The following KDM4C variants were observed in gnomAD, a reference collection of about 807,000 sequenced individuals.
The protein encoded by KDM4C is lysine demethylase 4C.
In KDM4C, 81 loss-of-function variants were observed where a neutral mutation model predicts 129.3. The observed-to-expected ratio is 0.63, with a 90% CI of 0.52 to 0.75. The LOEUF is 0.75. Ranked by LOEUF, KDM4C falls within the 30% of genes least tolerant of loss-of-function variation. The pLI is 0.00. For missense variants in KDM4C, 1,457 were observed against 1,304.0 expected (o/e 1.12, Z -1.81); for synonymous variants, 573 against 456.1 (o/e 1.26, Z -3.26).
At chr9:7,156,415 T>C (rs1358291895) in intron 19 of KDM4C, among the ~76,000 whole-genome samples, 3 of 152,256 alleles carry the variant, frequency 2.0e-5, no homozygotes, top group African/African-American at 4.8e-5. Flanking sequence ...GCTTTAGTCA[T>C]GAAGTCCTTG....
intron 19 of KDM4C, among the ~76,000 whole-genome samples, chr9:7,161,418 C>T (rs150842971): frequency 1.2e-3 from 183 of 152,328 alleles, no homozygotes; most frequent in African/African-American, 4.2e-3. Flanking sequence ...GCATCAATCA[C>T]GCTGAGAGCT....
intron 19 of KDM4C, among the ~76,000 whole-genome samples, chr9:7,132,030 C>A (rs946852722): frequency 1.3e-5 from 2 of 152,174 alleles, no homozygotes; most frequent in African/African-American, 4.8e-5. Context: ...TGTAGTGTGA[C>A]CCCAATGTTA....
chr9:7,090,321 A>C (rs1468661471), intron 17 of KDM4C, among the ~76,000 whole-genome samples: 1 of 152,112 alleles, frequency 6.6e-6, no homozygotes, highest in Non-Finnish European at 1.5e-5. Context: ...TGAAAACATC[A>C]TTTGGGGTTT....
intron 20 of KDM4C, among the ~76,000 whole-genome samples, chr9:7,168,011 G>A (rs910541425): frequency 1.3e-5 from 2 of 151,504 alleles, no homozygotes; most frequent in African/African-American, 4.9e-5. Flanking sequence ...GTGCAACCCC[G>A]TCTCTACTAA....
intron 8 of KDM4C, among the ~76,000 whole-genome samples, chr9:6,979,232 A>G (rs749406676): frequency 6.6e-6 from 1 of 152,188 alleles, no homozygotes; most frequent in Non-Finnish European, 1.5e-5. Context: ...CTTTATTCCA[A>G]TGGCAAGATA....
intron 21 of KDM4C, among the ~76,000 whole-genome samples, chr9:7,172,779 G>A (rs545989640): frequency 3.3e-5 from 5 of 152,104 alleles, no homozygotes; most frequent in African/African-American, 7.2e-5. Flanking sequence ...ACTATGGACC[G>A]TGTGTTTTCA....
At chr9:6,805,416 A>G (rs143980548) in intron 2 of KDM4C, among the ~76,000 whole-genome samples, 183 bp from the exon 3 acceptor site, 3 of 152,102 alleles carry the variant, frequency 2.0e-5, no homozygotes, top group Non-Finnish European at 4.4e-5. Flanking sequence ...AGTACTCAAT[A>G]AATTTTGCTA....
chr9:6,963,354 T>G (rs1830338496), intron 8 of KDM4C, among the ~76,000 whole-genome samples: 1 of 152,244 alleles, frequency 6.6e-6, no homozygotes. Flanking sequence ...TTGACCACTC[T>G]GGTTGGGAGT....
At chr9:7,066,853 G>T (rs1194068370) in intron 17 of KDM4C, among the ~76,000 whole-genome samples, 1 of 152,180 alleles carries the variant, frequency 6.6e-6, no homozygotes, top group East Asian at 1.9e-4. Flanking sequence ...AAGCCATCCA[G>T]AGATAATTAT....
At chr9:6,752,744 T>C (rs1213031117), upstream of KDM4C, among the ~76,000 whole-genome samples, 1 of 152,134 alleles carries the variant, frequency 6.6e-6, no homozygotes, top group Non-Finnish European at 1.5e-5. Context: ...AAAGTTATAT[T>C]GTGGTCTCTT....
At chr9:6,914,261 G>C (rs1458578371) in intron 8 of KDM4C, among the ~76,000 whole-genome samples, 2 of 152,116 alleles carry the variant, frequency 1.3e-5, no homozygotes, top group African/African-American at 4.8e-5. Flanking sequence ...GTTTCTCCGT[G>C]TTGGTCAGGC....
chr9:7,008,840 G>C (rs966607494), intron 12 of KDM4C, among the ~76,000 whole-genome samples: 2 of 152,182 alleles, frequency 1.3e-5, no homozygotes, highest in Admixed American at 1.3e-4. Context: ...CCTACCCTTG[G>C]ACCATGCCAG....
chr9:7,072,190 A>T (rs1328395764), intron 17 of KDM4C, among the ~76,000 whole-genome samples: 2 of 152,220 alleles, frequency 1.3e-5, no homozygotes, highest in African/African-American at 2.4e-5. Context: ...TGGAATGCTT[A>T]TAAATTGCTT....
At chr9:6,921,501 G>T (rs1028082176) in intron 8 of KDM4C, among the ~76,000 whole-genome samples, 1 of 152,160 alleles carries the variant, frequency 6.6e-6, no homozygotes, top group African/African-American at 2.4e-5. Context: ...AATCAATTCT[G>T]TTGGCTCTAG....
intron 19 of KDM4C, among the ~76,000 whole-genome samples, chr9:7,129,546 A>G (rs1283251625): frequency 4.6e-5 from 7 of 152,060 alleles, no homozygotes; most frequent in Non-Finnish European, 4.4e-5. Flanking sequence ...CAAGCACTCA[A>G]TCTGCATTCA....
At chr9:7,173,329 T>C (rs919575936) in intron 21 of KDM4C, among the ~76,000 whole-genome samples, 14 of 152,194 alleles carry the variant, frequency 9.2e-5, no homozygotes, top group African/African-American at 3.1e-4. Flanking sequence ...CAGGCAAGTA[T>C]GACCAGGCCC....
intron 17 of KDM4C, among the ~76,000 whole-genome samples, chr9:7,069,933 T>A (rs751677758): frequency 3.9e-5 from 6 of 152,210 alleles, no homozygotes; most frequent in Non-Finnish European, 7.3e-5. Context: ...AGATTGTAAT[T>A]GGGTATTATA....
At chr9:6,781,160 G>A (rs1284961839) in intron 1 of KDM4C, among the ~76,000 whole-genome samples, 1 of 152,154 alleles carries the variant, frequency 6.6e-6, no homozygotes, top group Non-Finnish European at 1.5e-5. Context: ...TGTAGGCTGG[G>A]AAGCTTCTTT....
At chr9:6,843,766 G>A (rs1178729175) in intron 4 of KDM4C, among the ~76,000 whole-genome samples, 1 of 152,158 alleles carries the variant, frequency 6.6e-6, no homozygotes, top group Non-Finnish European at 1.5e-5. Context: ...TGTTTGCTGG[G>A]TGAGTGCAGC....
Sources: allele counts gnomAD v4.1 joint callset (sites outside exome capture counted in the v4.1 genomes callset), GRCh38; gene constraint gnomAD v4.1.1; transcripts MANE v1.5; gene names NCBI Gene and HGNC (gene_info 2026-07-23, HGNC 2026-07-21).